Variants in MSRA observed in about 807,000 individuals in gnomAD.
MSRA encodes the protein methionine sulfoxide reductase A, also known as mitochondrial peptide methionine sulfoxide reductase.
MSRA carries 54 observed loss-of-function variants against 31.3 expected under a neutral mutation model. The ratio of observed to expected loss-of-function variants is 1.73; its 90% confidence interval spans 1.39 to 2.17. The LOEUF is 2.17. Among genes scored for constraint, MSRA ranks in the 30% most tolerant of loss-of-function variants. The pLI is 0.00. For missense variants in MSRA, 507 were observed against 300.9 expected (o/e 1.69, Z -5.07); for synonymous variants, 169 against 116.5 (o/e 1.45, Z -2.90).
At chr8:10,055,549 G>C (rs952475360) in intron 1 of MSRA, among the ~76,000 whole-genome samples, 2 of 152,208 alleles carry the variant, frequency 1.3e-5, no homozygotes, top group African/African-American at 2.4e-5. Flanking sequence ...TACTGAATCG[G>C]AGACTCTGGG....
chr8:10,309,478 A>AT, intron 4 of MSRA, among the ~76,000 whole-genome samples: 1 of 151,278 alleles, frequency 6.6e-6, no homozygotes, highest in Non-Finnish European at 1.5e-5. Context: ...GTTCTCTATC[A>AT]TTTTTCCTCA....
chr8:10,210,904 T>A lies in MSRA; in HGVS notation c.211+3003T>A, dbSNP rs188293576. 2.5e-3 allele frequency among the ~76,000 whole-genome samples: 384 copies of A among 151,942 alleles called. 1 individual carries two copies. The highest frequency in any genetic ancestry group is 4.5e-3 in the Non-Finnish European group (308 of 67,960). ...GTGCATCACCACGCTCACCTTTTTT[T>A]TTTTTATTTTTAGTAGAGATGGGGT... On this transcript the variant is annotated intron_variant, in intron 2 of 5. Coordinates refer to ENST00000317173, the MANE Select transcript of MSRA (RefSeq NM_012331.5).
At chr8:10,267,554 G>C (rs761451330) in intron 3 of MSRA, among the ~76,000 whole-genome samples, 4 of 152,110 alleles carry the variant, frequency 2.6e-5, no homozygotes, top group Non-Finnish European at 5.9e-5. Context: ...AAGTGGATTT[G>C]TCCCGGGGAA....
chr8:10,390,378 C>T (rs997468834), intron 5 of MSRA, among the ~76,000 whole-genome samples: 13 of 152,060 alleles, frequency 8.5e-5, no homozygotes, highest in African/African-American at 2.7e-4. Flanking sequence ...GTCGCGTGGT[C>T]GCCAGTTGAG....
chr8:10,152,550 T>C (rs1803787988), intron 1 of MSRA, among the ~76,000 whole-genome samples: 1 of 152,196 alleles, frequency 6.6e-6, no homozygotes, highest in Non-Finnish European at 1.5e-5. Context: ...AGGTCTTGGG[T>C]ATCTAGGTGG....
intron 1 of MSRA, among the ~76,000 whole-genome samples, chr8:10,191,269 A>G (rs1385227400): frequency 6.6e-6 from 1 of 152,240 alleles, no homozygotes; most frequent in East Asian, 1.9e-4. Flanking sequence ...GTCAGAGAAA[A>G]GAGACCCCAG....
intron 5 of MSRA, among the ~76,000 whole-genome samples, chr8:10,404,389 G>A (rs1807663839): frequency 6.6e-6 from 1 of 152,228 alleles, no homozygotes; most frequent in Non-Finnish European, 1.5e-5. Flanking sequence ...GCAGGGAAGT[G>A]ACGATCCCGT....
At chr8:10,074,985 A>G (rs947379003) in intron 1 of MSRA, among the ~76,000 whole-genome samples, 3 of 152,212 alleles carry the variant, frequency 2.0e-5, no homozygotes, top group East Asian at 3.9e-4. Context: ...TCTCTTTGCC[A>G]TGCTTCTGTT....
intron 5 of MSRA, among the ~76,000 whole-genome samples, chr8:10,365,692 G>C (rs556214458): frequency 6.6e-6 from 1 of 152,310 alleles, no homozygotes; most frequent in South Asian, 2.1e-4. Context: ...AGTTGTCCCG[G>C]TTTCAGGGAG....
intron 1 of MSRA, 95 bp downstream of exon 1, chr8:10,054,753 G>C (rs1802218536): frequency 7.7e-7 from 1 of 1,302,114 alleles, no homozygotes; most frequent in African/African-American, 1.5e-5. Flanking sequence ...AGGAAGCCGT[G>C]GGCTGGCCTC....
chr8:10,223,739 G>T (rs964697684), intron 2 of MSRA, among the ~76,000 whole-genome samples: 1 of 152,176 alleles, frequency 6.6e-6, no homozygotes, highest in Non-Finnish European at 1.5e-5. Context: ...TAGGGGTGTA[G>T]TTAAGATGAA....
intron 1 of MSRA, among the ~76,000 whole-genome samples, chr8:10,145,170 A>T (rs1335073185): frequency 6.6e-6 from 1 of 152,220 alleles, no homozygotes; most frequent in Non-Finnish European, 1.5e-5. Context: ...AACTCCAGGG[A>T]CAGGCAGGGC....
At chr8:10,172,740 G>A (rs1232816666) in intron 1 of MSRA, among the ~76,000 whole-genome samples, 1 of 152,148 alleles carries the variant, frequency 6.6e-6, no homozygotes, top group Non-Finnish European at 1.5e-5. Flanking sequence ...GGGAAAGGAG[G>A]CCAGGTCACT....
chr8:10,422,088 G>A (rs142715996), intron 5 of MSRA, among the ~76,000 whole-genome samples: 23 of 152,282 alleles, frequency 1.5e-4, no homozygotes, highest in Admixed American at 4.6e-4. Context: ...TGAGACCAGC[G>A]TGGACAACAT....
At chr8:10,119,325 G>A (rs1034805005) in intron 1 of MSRA, among the ~76,000 whole-genome samples, 1 of 152,180 alleles carries the variant, frequency 6.6e-6, no homozygotes, top group Non-Finnish European at 1.5e-5. Flanking sequence ...ATAAGATGAT[G>A]GCAGAACGCT....
intron 5 of MSRA, among the ~76,000 whole-genome samples, chr8:10,344,240 C>G (rs1218048751): frequency 6.6e-6 from 1 of 152,140 alleles, no homozygotes; most frequent in African/African-American, 2.4e-5. Flanking sequence ...TTCACCCCAT[C>G]TGTACGGTGA....
intron 5 of MSRA, among the ~76,000 whole-genome samples, chr8:10,400,926 A>G (rs1807422558): frequency 6.6e-6 from 1 of 152,246 alleles, no homozygotes; most frequent in African/African-American, 2.4e-5. Flanking sequence ...AATCCGTCTC[A>G]GGAAAACATA....
intron 5 of MSRA, among the ~76,000 whole-genome samples, chr8:10,384,902 TG>T (rs1488176971): frequency 6.6e-6 from 1 of 152,060 alleles, no homozygotes; most frequent in African/African-American, 2.4e-5. Context: ...CTCAGGAAGC[TG>T]AGCCAGAAGG....
intron 1 of MSRA, among the ~76,000 whole-genome samples, chr8:10,155,958 A>G (rs1442139857): frequency 6.6e-6 from 1 of 152,214 alleles, no homozygotes; most frequent in Non-Finnish European, 1.5e-5. Flanking sequence ...TTAGCACAGT[A>G]TTCTCTGTGC....
Sources: allele counts gnomAD v4.1 joint callset (sites outside exome capture counted in the v4.1 genomes callset), GRCh38; gene constraint gnomAD v4.1.1; transcripts MANE v1.5; gene names NCBI Gene and HGNC (gene_info 2026-07-23, HGNC 2026-07-21).